Variants in PRKD1 observed in about 807,000 individuals in gnomAD.
PRKD1 encodes the protein serine/threonine-protein kinase D1.
PRKD1 carries 63 observed loss-of-function variants against 95.9 expected under a neutral mutation model. The observed-to-expected ratio is 0.66, with a 90% confidence interval of 0.54 to 0.81. PRKD1 has a LOEUF of 0.81. Among genes scored for constraint, PRKD1 ranks in the 30% least tolerant of loss-of-function variants. The pLI is 0.00. For synonymous variants in PRKD1, 425 were observed against 423.1 expected, an observed-to-expected ratio of 1.00 and a Z score of -0.05; for missense variants, 1,048 against 1,165.3, an observed-to-expected ratio of 0.90 and a Z score of 1.47.
At chr14:29,644,076 T>C (rs1450096424) in intron 4 of PRKD1, among the ~76,000 whole-genome samples, 1 of 152,210 alleles carries the variant, frequency 6.6e-6, no homozygotes, top group Non-Finnish European at 1.5e-5. Context: ...GAGATAAGTG[T>C]ATGTTTTCAA....
intron 1 of PRKD1, among the ~76,000 whole-genome samples, chr14:29,731,466 G>GT (rs1369890770): frequency 2.0e-5 from 3 of 152,124 alleles, no homozygotes; most frequent in African/African-American, 7.2e-5. Context: ...TTGACTGATA[G>GT]TTTTTCAGAT....
At chr14:29,684,032 T>C (rs1050260696) in intron 2 of PRKD1, among the ~76,000 whole-genome samples, 1 of 152,208 alleles carries the variant, frequency 6.6e-6, no homozygotes, top group Non-Finnish European at 1.5e-5. Flanking sequence ...TGGGATTTCC[T>C]TAGCTAAAAT....
chr14:29,593,756 G>A (rs1387168922), intron 16 of PRKD1, among the ~76,000 whole-genome samples: 4 of 152,156 alleles, frequency 2.6e-5, no homozygotes, highest in African/African-American at 4.8e-5. Flanking sequence ...AGCCAATAAA[G>A]TATCTTATTT....
chr14:29,914,861 C>T (rs1894839657), intron 1 of PRKD1, among the ~76,000 whole-genome samples: 1 of 151,902 alleles, frequency 6.6e-6, no homozygotes, highest in African/African-American at 2.4e-5. Context: ...CAAGCTCCGC[C>T]TCCCGGGTTC....
At chr14:29,749,763 A>T (rs553018042) in intron 1 of PRKD1, among the ~76,000 whole-genome samples, 17 of 152,290 alleles carry the variant, frequency 1.1e-4, no homozygotes, top group African/African-American at 4.1e-4. Context: ...AGACAAGGAG[A>T]TGATATTTAA....
intron 2 of PRKD1, among the ~76,000 whole-genome samples, chr14:29,676,458 G>A (rs1057172822): frequency 2.0e-5 from 3 of 152,070 alleles, no homozygotes; most frequent in Non-Finnish European, 2.9e-5. Context: ...AGGTTCAAGC[G>A]ATTCTCCCGC....
intron 1 of PRKD1, among the ~76,000 whole-genome samples, chr14:29,859,839 T>C (rs191157715): frequency 1.5e-4 from 23 of 152,274 alleles, no homozygotes; most frequent in African/African-American, 5.5e-4. Flanking sequence ...TTGGAGACAA[T>C]ACTCAGGAAA....
At chr14:29,683,582 G>A (rs1430131113) in intron 2 of PRKD1, among the ~76,000 whole-genome samples, 1 of 152,114 alleles carries the variant, frequency 6.6e-6, no homozygotes. Context: ...GCCACGTAAA[G>A]AGCCATAAAA....
intron 1 of PRKD1, among the ~76,000 whole-genome samples, chr14:29,792,097 A>AAC (rs1285687250): frequency 3.9e-5 from 6 of 152,150 alleles, no homozygotes; most frequent in African/African-American, 1.4e-4. Context: ...GTGATAGATC[A>AAC]ACAAAACTGA....
intron 4 of PRKD1, among the ~76,000 whole-genome samples, chr14:29,660,595 C>T (rs917587292): frequency 6.6e-6 from 1 of 152,088 alleles, no homozygotes; most frequent in African/African-American, 2.4e-5. Flanking sequence ...TTTTCCTTTA[C>T]ACCTAGGAAC....
intron 4 of PRKD1, chr14:29,657,827 A>G (rs111811359): frequency 6.6e-6 from 1 of 152,432 alleles, no homozygotes; most frequent in Non-Finnish European, 1.5e-5. Flanking sequence ...AGATCGCGCC[A>G]CTGCACTCCA....
At chr14:29,857,224 T>C (rs1451570609) in intron 1 of PRKD1, among the ~76,000 whole-genome samples, 1 of 152,194 alleles carries the variant, frequency 6.6e-6, no homozygotes. Context: ...TGTCATTGTT[T>C]TGGCTCAACA....
chr14:29,832,546 T>C (rs775214093), intron 1 of PRKD1, among the ~76,000 whole-genome samples: 6 of 152,134 alleles, frequency 3.9e-5, no homozygotes, highest in Non-Finnish European at 8.8e-5. Context: ...ATCTACCTTT[T>C]CTTATTTAGC....
chr14:29,768,765 A>G (rs1888375531), intron 1 of PRKD1, among the ~76,000 whole-genome samples: 1 of 151,700 alleles, frequency 6.6e-6, no homozygotes, highest in African/African-American at 2.4e-5. Context: ...TCTCTTTGTC[A>G]TCTACAAACA....
intron 1 of PRKD1, among the ~76,000 whole-genome samples, chr14:29,785,441 T>G (rs1453181570): frequency 6.6e-6 from 1 of 152,222 alleles, no homozygotes; most frequent in Non-Finnish European, 1.5e-5. Flanking sequence ...TTAATGAATT[T>G]ATTGGTTCTA....
intron 1 of PRKD1, among the ~76,000 whole-genome samples, chr14:29,804,839 A>T (rs148445326): frequency 6.6e-6 from 1 of 152,166 alleles, no homozygotes; most frequent in African/African-American, 2.4e-5. Context: ...CTCCCAGTAG[A>T]CCTAAGCCGT....
At chr14:29,607,173 G>C (rs1455175834) in intron 13 of PRKD1, among the ~76,000 whole-genome samples, 1 of 152,148 alleles carries the variant, frequency 6.6e-6, no homozygotes, top group Non-Finnish European at 1.5e-5. Flanking sequence ...CCTTTAGTTT[G>C]ATAACTGAAA....
intron 1 of PRKD1, among the ~76,000 whole-genome samples, chr14:29,806,163 A>G (rs1233755352): frequency 6.6e-6 from 1 of 152,204 alleles, no homozygotes; most frequent in Non-Finnish European, 1.5e-5. Flanking sequence ...TACTGAAAAG[A>G]TCTCAATAAC....
chr14:29,581,378 A>T (rs979978658), intron 16 of PRKD1, among the ~76,000 whole-genome samples: 5 of 152,132 alleles, frequency 3.3e-5, no homozygotes, highest in African/African-American at 9.7e-5. Flanking sequence ...ATTCTTTTTT[A>T]AAAAATTACA....
Sources: allele counts gnomAD v4.1 joint callset (sites outside exome capture counted in the v4.1 genomes callset), GRCh38; gene constraint gnomAD v4.1.1; transcripts MANE v1.5; gene names NCBI Gene and HGNC (gene_info 2026-07-23, HGNC 2026-07-21).